The following ABCA8 variants were observed in gnomAD, a reference collection of about 807,000 sequenced individuals.
ABCA8 encodes ABC-type organic anion transporter ABCA8.
In ABCA8, 177 loss-of-function variants were observed where a neutral mutation model predicts 192.3. The ratio of observed to expected loss-of-function variants is 0.92; its 90% confidence interval spans 0.81 to 1.04. The LOEUF is 1.04. ABCA8 is among the 50% of genes least tolerant of loss of function. The pLI, the probability that ABCA8 is intolerant of heterozygous loss-of-function variation, is 0.00. For synonymous variants in ABCA8, 642 were observed against 690.2 expected, an observed-to-expected ratio of 0.93 and a Z score of 1.09; for missense variants, 1,915 against 1,904.8, an observed-to-expected ratio of 1.01 and a Z score of -0.10.
intron 38 of ABCA8, 106 bp from the exon 39 acceptor site, chr17:68,868,462 A>G: frequency 3.3e-6 from 3 of 921,168 alleles, no homozygotes; most frequent in Non-Finnish European, 5.0e-6. Context: ...TAAATAGGTT[A>G]AGGTAATATT....
chr17:68,919,259 T>G (rs1268238746), intron 14 of ABCA8, 42 bp downstream of exon 14: 2 of 1,518,664 alleles, frequency 1.3e-6, no homozygotes, highest in Non-Finnish European at 1.8e-6. Context: ...GTTTTAATAA[T>G]CTCATTTTGA....
At position 68,929,137 on chromosome 17, in the gene ABCA8, A is replaced by G; in HGVS notation, c.1037T>C (p.Phe346Ser). 1 of 1,612,130 alleles carries G rather than the reference A, an allele frequency of 6.2e-7. No individual in the cohort carries two copies. Residue 346 changes from phenylalanine to serine, a missense_variant, in exon 9 of 40, where the codon TTC (phenylalanine) becomes TCC (serine). Transcript: ENST00000586539. ...LLTVFWGCLG[F>S]TSLYRHLPAS... is the part of the protein sequence containing the mutation. ...AGGAAGGTGTCTGTACAGTGATGTGAACCCCAGACACCCCCAAAAGACAGT... is the reference window on the plus strand; with the variant it reads ...AGGAAGGTGTCTGTACAGTGATGTGGACCCCAGACACCCCCAAAAGACAGT...
chr17:68,917,889 C>T (rs1246919808), intron 16 of ABCA8, among the ~76,000 whole-genome samples, 158 bp downstream of exon 16: 2 of 152,168 alleles, frequency 1.3e-5, no homozygotes, highest in African/African-American at 4.8e-5. Flanking sequence ...GAAATGGTTG[C>T]AAGAGGCTTT....
chr17:68,924,086 C>T (rs950371770), intron 11 of ABCA8, among the ~76,000 whole-genome samples: 4 of 152,074 alleles, frequency 2.6e-5, no homozygotes, highest in Admixed American at 6.6e-5. Context: ...AAAGGCCAGG[C>T]GCGGTGGCTC....
chr17:68,942,299 A>G (rs2068254319), intron 2 of ABCA8, among the ~76,000 whole-genome samples: 1 of 152,144 alleles, frequency 6.6e-6, no homozygotes, highest in Non-Finnish European at 1.5e-5. Flanking sequence ...TTCACTCTGC[A>G]TAGCCTGCTC....
At position 68,940,934 on chromosome 17, in the gene ABCA8, AG is replaced by A; in HGVS notation, c.124del (p.Leu42PhefsTer12). ...ACTATGAGGATATATATACAAACAA[AG>A]TAGTAGGAGCAATGAATTCAGCCAT... ...MEWLNSLLLL[L>X]CLYIYPHSHQ... On this transcript the variant is annotated frameshift_variant, in exon 4 of 40. Coordinates refer to ENST00000586539, the MANE Select transcript of ABCA8 (RefSeq NM_001288985.2). LOFTEE classifies it high-confidence loss of function. 1 of 1,610,664 alleles carries A rather than the reference AG, an allele frequency of 6.2e-7. No individual in the cohort carries two copies. The highest frequency in any genetic ancestry group is 8.5e-7 in the Non-Finnish European group (1 of 1,177,076).
chr17:68,912,519 A>AT (rs1954650029), intron 17 of ABCA8, among the ~76,000 whole-genome samples: 1 of 152,194 alleles, frequency 6.6e-6, no homozygotes. Context: ...AGAGATAAAG[A>AT]TAGAAAGTTT....
chr17:68,914,585 C>T (rs929366248), intron 17 of ABCA8, among the ~76,000 whole-genome samples: 2 of 151,808 alleles, frequency 1.3e-5, no homozygotes, highest in East Asian at 1.9e-4. Flanking sequence ...ATAAACTTAA[C>T]CAAAGAAGTA....
chr17:68,916,995 C>T (rs139383223), intron 17 of ABCA8, among the ~76,000 whole-genome samples: 75 of 152,242 alleles, frequency 4.9e-4, no homozygotes, highest in African/African-American at 1.7e-3. Flanking sequence ...CTTGGCCGGG[C>T]GCGGTGGCTC....
chr17:68,883,718 G>T, intron 29 of ABCA8, 73 bp downstream of exon 29: 1 of 987,208 alleles, frequency 1.0e-6, no homozygotes, highest in South Asian at 1.6e-5. Flanking sequence ...CTTTGTTAAT[G>T]AATTGATTTA....
At chr17:68,870,238 C>T (rs1658523193) in intron 37 of ABCA8, among the ~76,000 whole-genome samples, 1 of 152,202 alleles carries the variant, frequency 6.6e-6, no homozygotes, top group Non-Finnish European at 1.5e-5. Context: ...TCTCACTGTT[C>T]ATCTCGAAAA....
At chr17:68,875,871 C>A in intron 35 of ABCA8, 138 bp from the exon 36 acceptor site, 3 of 997,170 alleles carry the variant, frequency 3.0e-6, no homozygotes, top group Non-Finnish European at 4.3e-6. Context: ...CTTAATAGGG[C>A]AGGTAGGATG....
rs1216490689 is a variant in ABCA8 at position 68,936,934 on chromosome 17, T to C, written c.466+17A>G. Reference sequence around the variant, plus strand: ...ATTGAAATAGAGAGTAGTGAAATTTTAGAGCCATAAAATTACCTGTATGGT... The same window carrying C: ...ATTGAAATAGAGAGTAGTGAAATTTCAGAGCCATAAAATTACCTGTATGGT... On this transcript the variant is annotated intron_variant, in intron 5 of 39. Transcript: ENST00000586539. 1.7e-5 allele frequency: 26 copies of C among 1,548,812 alleles called. No homozygotes were observed. The highest frequency in any genetic ancestry group is 2.3e-5 in the Non-Finnish European group (26 of 1,152,890).
rs769218826 is a variant in ABCA8 at position 68,906,149 on chromosome 17, G to A, written c.2293C>T (p.Leu765Phe). Residue 765 changes from leucine to phenylalanine, a missense_variant, in exon 19 of 40, where the codon CTT becomes TTT. Coordinates refer to ENST00000586539, the MANE Select transcript of ABCA8 (RefSeq NM_001288985.2). ...TNKFPELYKD[L>F]DSYPDLGIEN... is the part of the protein sequence containing the mutation. The stretch of plus-strand genomic sequence containing the variant: ...ATTCCTAGGTCAGGATAGCTATCAA[G>A]ATCCTTGTAAAGTTCTAAAGAATAC... 4.4e-6 allele frequency: 7 copies of A among 1,581,348 alleles called. No individual in the cohort carries two copies. The highest frequency in any genetic ancestry group is 6.0e-6 in the Non-Finnish European group (7 of 1,166,466).
intron 17 of ABCA8, among the ~76,000 whole-genome samples, chr17:68,915,969 T>G (rs2067348963): frequency 6.6e-6 from 1 of 152,166 alleles, no homozygotes; most frequent in Admixed American, 6.5e-5. Context: ...TACTGTCATG[T>G]GCAACAACAT....
At chr17:68,875,842 G>C in intron 35 of ABCA8, 109 bp from the exon 36 acceptor site, 1 of 1,301,712 alleles carries the variant, frequency 7.7e-7, no homozygotes, top group Non-Finnish European at 1.0e-6. Flanking sequence ...AGCAAAAAGA[G>C]ATTAAGTAAA....
rs1485913763 is a variant in ABCA8, at chr17:68,891,565, G to C, written c.3068C>G (p.Ala1023Gly). ...TAAAACCAGCCAGAACATGATATAT[G>C]CCAGGAATCCGATTGGATTGTCCTG... ...NGQDNPIGFL[A>G]YIMFWLVLTS... The change falls in exon 24 of 40, where the codon GCA (alanine) becomes GGA (glycine). Residue 1023 changes from alanine to glycine, a missense_variant. Coordinates refer to ENST00000586539, the MANE Select transcript of ABCA8 (RefSeq NM_001288985.2). The C allele has an allele frequency of 6.2e-7, 1 of 1,612,656 alleles. No individual in the cohort carries two copies. The highest frequency in any genetic ancestry group is 8.5e-7 in the Non-Finnish European group (1 of 1,179,648).
Position 68,881,223 on chromosome 17 carries a change from GT to G in ABCA8, c.3947-13del. On this transcript the variant is annotated splice_polypyrimidine_tract_variant and intron_variant, in intron 31 of 39. Coordinates refer to ENST00000586539, the MANE Select transcript of ABCA8 (RefSeq NM_001288985.2). ...TCCTAAAACTTCACCTGAAAAAAAG[GT>G]TACACTTAATATTAATCTATTTTAA... The G allele has an allele frequency of 6.4e-7, 1 of 1,563,184 alleles. No individual in the cohort carries two copies. Among genetic ancestry groups the G allele is most frequent in the Non-Finnish European group, 8.8e-7 (1 of 1,134,230 alleles).
intron 32 of ABCA8, 95 bp downstream of exon 32, chr17:68,881,025 A>G (rs1173969242): frequency 4.7e-6 from 4 of 844,790 alleles, no homozygotes; most frequent in South Asian, 1.4e-5. Context: ...CTTCAGTTAT[A>G]TAAGGATTAA....
Sources: gnomAD v4.1 joint callset for allele counts (sites outside exome capture counted in the v4.1 genomes callset) on GRCh38, gnomAD v4.1.1 for gene constraint, MANE v1.5 for transcripts, NCBI Gene and HGNC (gene_info 2026-07-23, HGNC 2026-07-21) for gene names.